DLC1: variants seen among roughly 807,000 people sequenced by gnomAD.
The protein encoded by DLC1 is DLC1 Rho GTPase activating protein.
In DLC1, 54 loss-of-function variants were observed where a neutral mutation model predicts 140.3. That is an observed-to-expected ratio of 0.38 (90% confidence interval 0.31 to 0.48). DLC1 has a LOEUF of 0.48. DLC1 is among the 20% of genes least tolerant of loss of function. DLC1 has a pLI of 0.96. For synonymous variants in DLC1, 986 were observed against 728.1 expected (o/e 1.35, Z -5.70); for missense variants, 2,536 against 1,907.0 (o/e 1.33, Z -6.14).
intron 1 of DLC1, among the ~76,000 whole-genome samples, chr8:13,503,867 A>G (rs930776186): frequency 1.3e-5 from 2 of 152,194 alleles, no homozygotes; most frequent in African/African-American, 4.8e-5. Flanking sequence ...ATAGATATCT[A>G]TCTGTGGTAA....
intron 1 of DLC1, among the ~76,000 whole-genome samples, chr8:13,571,378 C>T (rs1000399844): frequency 1.3e-5 from 2 of 152,136 alleles, no homozygotes; most frequent in South Asian, 2.1e-4. Context: ...TTCTCCTCTC[C>T]CCCTGGTACC....
Position 13,571,690 on chromosome 8 carries a change from T to A in DLC1, c.-126+32847A>T, listed in dbSNP as rs139640963. 2.7e-3 allele frequency among the ~76,000 whole-genome samples: 406 copies of A among 152,342 alleles called. 4 individuals are homozygous for A. Among genetic ancestry groups the A allele is most frequent in the African/African-American group, 8.9e-3 (370 of 41,574 alleles). The stretch of plus-strand genomic sequence containing the variant: ...ACACTGGCATACAAGTATCTGTTTG[T>A]GCACCTGCTTTCGATTCTTTTGGGT... On this transcript the variant is annotated intron_variant, in intron 1 of 1. Transcript: ENST00000631382.
chr8:13,537,923 G>T (rs1363259873), intron 1 of DLC1, among the ~76,000 whole-genome samples: 1 of 151,978 alleles, frequency 6.6e-6, no homozygotes, highest in Non-Finnish European at 1.5e-5. Flanking sequence ...CAAAGTTCTG[G>T]GATTACAGGC....
chr8:13,256,683 T>C (rs1830241300), intron 5 of DLC1, among the ~76,000 whole-genome samples: 1 of 151,844 alleles, frequency 6.6e-6, no homozygotes, highest in African/African-American at 2.4e-5. Flanking sequence ...TGAGAACACA[T>C]GGACACAGGG....
intron 1 of DLC1, 122 bp downstream of exon 1, chr8:13,514,480 T>C (rs1220670112): frequency 2.5e-6 from 1 of 397,534 alleles, no homozygotes; most frequent in Non-Finnish European, 4.4e-6. Flanking sequence ...ACTTCTGATT[T>C]TATGGCTTTG....
chr8:13,406,188 T>TTTTTG, intron 2 of DLC1, among the ~76,000 whole-genome samples: 1 of 131,422 alleles, frequency 7.6e-6, no homozygotes, highest in African/African-American at 2.9e-5. Flanking sequence ...TGTGTTTTTT[T>TTTTTG]TTTTTTTTTT....
At chr8:13,275,313 A>G (rs1001579754) in intron 5 of DLC1, among the ~76,000 whole-genome samples, 1 of 152,264 alleles carries the variant, frequency 6.6e-6, no homozygotes, top group African/African-American at 2.4e-5. Flanking sequence ...AAGACCTTTT[A>G]TTAAGAACAC....
intron 5 of DLC1, among the ~76,000 whole-genome samples, chr8:13,244,224 C>G (rs959890328): frequency 6.6e-6 from 1 of 152,020 alleles, no homozygotes; most frequent in Non-Finnish European, 1.5e-5. Context: ...TTTTAAGGAC[C>G]CTCCATTGCC....
At chr8:13,235,348 C>T (rs1829229633) in intron 5 of DLC1, among the ~76,000 whole-genome samples, 1 of 151,988 alleles carries the variant, frequency 6.6e-6, no homozygotes, top group Non-Finnish European at 1.5e-5. Context: ...AAAGCTGGTA[C>T]CTTCTTAAAA....
intron 2 of DLC1, among the ~76,000 whole-genome samples, chr8:13,496,044 C>T (rs527681852): frequency 3.3e-4 from 51 of 152,250 alleles, no homozygotes; most frequent in Admixed American, 1.0e-3. Context: ...TCTTATCTTA[C>T]GGGTATTACT....
chr8:13,523,701 G>A (rs762435572), intron 1 of DLC1, among the ~76,000 whole-genome samples: 7 of 151,974 alleles, frequency 4.6e-5, no homozygotes, highest in Admixed American at 2.0e-4. Flanking sequence ...AGAATGATAT[G>A]GAAAAAATTA....
At chr8:13,317,170 C>T (rs1832891263) in intron 4 of DLC1, among the ~76,000 whole-genome samples, 1 of 152,154 alleles carries the variant, frequency 6.6e-6, no homozygotes, top group African/African-American at 2.4e-5. Flanking sequence ...TCAATGTAGA[C>T]TAATGCTGAA....
intron 5 of DLC1, among the ~76,000 whole-genome samples, chr8:13,230,597 CTTTTT>C (rs548424340): frequency 2.2e-5 from 3 of 133,726 alleles, no homozygotes; most frequent in Non-Finnish European, 3.2e-5. Context: ...TTTCTTTTTT[CTTTTT>C]TTTTTTTTTT....
chr8:13,567,462 G>A (rs1471726037), intron 1 of DLC1: 3 of 1,552,078 alleles, frequency 1.9e-6, no homozygotes, highest in Admixed American at 2.0e-5. Flanking sequence ...TGGATGTAGA[G>A]GCTTCAGAGA....
chr8:13,237,353 C>T (rs115301153), intron 5 of DLC1, among the ~76,000 whole-genome samples: 2,968 of 149,730 alleles, frequency 0.02, 95 homozygotes, highest in African/African-American at 0.068. Context: ...CACACACACA[C>T]GTATATACAC....
intron 4 of DLC1, among the ~76,000 whole-genome samples, chr8:13,353,897 C>A (rs897342159): frequency 6.6e-6 from 1 of 151,634 alleles, no homozygotes; most frequent in Non-Finnish European, 1.5e-5. Flanking sequence ...TACTTTGTAA[C>A]GTGCCACACT....
chr8:13,199,433 G>A (rs148815928), intron 5 of DLC1, among the ~76,000 whole-genome samples: 157 of 151,922 alleles, frequency 1.0e-3, no homozygotes, highest in African/African-American at 3.4e-3. Context: ...ATCCTCCCGC[G>A]TCCTTCCAAG....
intron 3 of DLC1, among the ~76,000 whole-genome samples, chr8:13,394,862 C>T (rs1836946710): frequency 6.6e-6 from 1 of 152,142 alleles, no homozygotes; most frequent in South Asian, 2.1e-4. Context: ...CTGGCCCCTT[C>T]TTGTCACTCT....
At chr8:13,281,624 G>T (rs1228886488) in intron 5 of DLC1, among the ~76,000 whole-genome samples, 2 of 152,120 alleles carry the variant, frequency 1.3e-5, no homozygotes, top group African/African-American at 2.4e-5. Flanking sequence ...TGGTGATCAA[G>T]GTTCAGAGAC....
Sources: gnomAD v4.1 joint callset for allele counts (sites outside exome capture counted in the v4.1 genomes callset) on GRCh38, gnomAD v4.1.1 for gene constraint, MANE v1.5 for transcripts, NCBI Gene and HGNC (gene_info 2026-07-23, HGNC 2026-07-21) for gene names.